Variants in WDR3 observed in about 807,000 individuals in gnomAD.
WDR3 encodes the protein WD repeat domain 3, also known as WD repeat-containing protein 3.
In WDR3, 81 loss-of-function variants were observed where a neutral mutation model predicts 123.7. The ratio of observed to expected loss-of-function variants is 0.65; its 90% CI spans 0.55 to 0.79. WDR3 has a LOEUF of 0.79. Ranked by LOEUF, WDR3 falls within the 30% of genes least tolerant of loss-of-function variation. The pLI is 0.00. For missense variants in WDR3, 1,027 were observed against 1,123.2 expected (o/e 0.91, Z 1.22); for synonymous variants, 390 against 388.8 (o/e 1.00, Z -0.04).
intron 4 of WDR3, 25 bp from the exon 5 acceptor site, chr1:117,938,455 A>AT (rs758667110): frequency 6.9e-6 from 11 of 1,602,670 alleles, no homozygotes; most frequent in East Asian, 2.2e-5. Flanking sequence ...CAGGCTATAT[A>AT]TTTTTTTCCT....
intron 19 of WDR3, 45 bp from the exon 20 acceptor site, chr1:117,952,901 C>A (rs1472337970): frequency 1.2e-6 from 2 of 1,603,188 alleles, no homozygotes. Context: ...CATATAGAGA[C>A]CATGTTTTTT....
At chr1:117,956,831 A>G (rs928614155) in intron 24 of WDR3, among the ~76,000 whole-genome samples, 2 of 152,192 alleles carry the variant, frequency 1.3e-5, no homozygotes, top group Non-Finnish European at 2.9e-5. Context: ...ATCTGGAAGG[A>G]AAAAAAGTTA....
intron 5 of WDR3, 65 bp from the exon 6 acceptor site, chr1:117,939,412 T>G: frequency 6.5e-7 from 1 of 1,533,990 alleles, no homozygotes; most frequent in Non-Finnish European, 9.0e-7. Flanking sequence ...ACTTTTGGAA[T>G]GTCATATTAT....
rs1571060127 is a variant in WDR3 at position 117,961,037 on chromosome 1, A to G, written c.*1590A>G. 6.6e-6 allele frequency: 1 copy of G among 152,340 alleles called. No homozygotes were observed. The highest frequency in any genetic ancestry group is 1.5e-5 in the Non-Finnish European group (1 of 68,042). 9.4% of individuals were successfully genotyped at this position (152,340 alleles called of 1,614,324 possible). A position where few individuals can be genotyped will look rare whatever the true frequency, so the allele number is the denominator to read the frequency against. On this transcript the variant is annotated 3_prime_UTR_variant, in exon 27 of 27. Coordinates refer to ENST00000349139, the MANE Select transcript of WDR3 (RefSeq NM_006784.3). Reference sequence around the variant, plus strand: ...AGTGGCTCACGCCTGTAATCCCACCACTGTGGGAGGCCGAGGCAGGCGGAT... The same window carrying G: ...AGTGGCTCACGCCTGTAATCCCACCGCTGTGGGAGGCCGAGGCAGGCGGAT...
intron 1 of WDR3, among the ~76,000 whole-genome samples, chr1:117,931,482 G>A (rs1650733547): frequency 6.6e-6 from 1 of 151,790 alleles, no homozygotes; most frequent in African/African-American, 2.4e-5. Flanking sequence ...AGAAAAGAGA[G>A]GGGTACCAGA....
At chr1:117,947,748 G>A (rs756582093) in intron 12 of WDR3, among the ~76,000 whole-genome samples, 1 of 152,206 alleles carries the variant, frequency 6.6e-6, no homozygotes, top group Non-Finnish European at 1.5e-5. Flanking sequence ...TTTAGCTTAT[G>A]CTGTCTGTAC....
In WDR3 at chr1:117,958,889, TGTG is replaced by T; in HGVS notation, c.2583-20_2583-18del. 1 of 1,608,024 alleles carries T rather than the reference TGTG, an allele frequency of 6.2e-7. No homozygotes were observed. Among genetic ancestry groups the T allele is most frequent in the Non-Finnish European group, 8.5e-7 (1 of 1,175,174 alleles). On this transcript the variant is annotated intron_variant, in intron 25 of 26. Transcript: ENST00000349139. ...GGCTAGAACCTCTCTGCAACATGGC[TGTG>T]TTTTGTTTTTCTATCAGGATTCACT...
At chr1:117,940,071 C>T (rs1008509151) in intron 6 of WDR3, among the ~76,000 whole-genome samples, 2 of 152,112 alleles carry the variant, frequency 1.3e-5, no homozygotes, top group African/African-American at 2.4e-5. Context: ...TAGGGGTTAT[C>T]TTTTCTTTAT....
At chr1:117,939,100 G>T (rs1173096043) in intron 5 of WDR3, among the ~76,000 whole-genome samples, 1 of 152,194 alleles carries the variant, frequency 6.6e-6, no homozygotes, top group Non-Finnish European at 1.5e-5. Flanking sequence ...GAAGCTGAAA[G>T]TTATGCAATG....
chr1:117,965,516 A>G lies in WDR3; in HGVS notation c.*6069A>G, dbSNP rs1653717171. On this transcript the variant is annotated 3_prime_UTR_variant, in exon 27 of 27. Transcript: ENST00000349139. ...TTGAACTCGATGTCCTCTTTCTTCC[A>G]TCCATCAATGGCTTCTACCTCAGAT... 1 of 152,178 alleles carries G rather than the reference A, an allele frequency of 6.6e-6. No individual in the cohort carries two copies. The highest frequency in any genetic ancestry group is 2.4e-5 in the African/African-American group (1 of 41,414). 9.4% of individuals were successfully genotyped at this position (152,178 alleles called of 1,614,324 possible).
At chr1:117,945,263 C>T (rs1651328886) in intron 11 of WDR3, among the ~76,000 whole-genome samples, 1 of 152,180 alleles carries the variant, frequency 6.6e-6, no homozygotes, top group Non-Finnish European at 1.5e-5. Flanking sequence ...AGTTCCATCT[C>T]ACTCTACCTA....
intron 6 of WDR3, 26 bp downstream of exon 6, chr1:117,939,598 A>T (rs1407568672): frequency 6.2e-7 from 1 of 1,607,604 alleles, no homozygotes; most frequent in Non-Finnish European, 8.5e-7. Flanking sequence ...AATCATGGGC[A>T]ATATGTTTAG....
chr1:117,952,818 C>T, intron 19 of WDR3, 128 bp from the exon 20 acceptor site: 1 of 1,429,572 alleles, frequency 7.0e-7, no homozygotes. Context: ...ATTTCAGAAG[C>T]TAGGCAGAGA....
In WDR3 at chr1:117,950,706, G is replaced by C. The variant is rs528708443; in HGVS notation, c.1747-128G>C. 18 of 789,974 alleles carry C rather than the reference G, an allele frequency of 2.3e-5. No homozygotes were observed. The East Asian group carries it at 4.5e-4, about 20-fold the overall frequency. The allele number at this position is 789,974 out of a possible 1,614,324, so 48.9% of individuals were successfully genotyped here. ...TACTCCTGCCAAGCTGTCTTTTGTG[G>C]GTTGTCTTTGAAAATACAGATATAA... On this transcript the variant is annotated intron_variant, in intron 15 of 26. Coordinates refer to ENST00000349139, the MANE Select transcript of WDR3 (RefSeq NM_006784.3).
chr1:117,933,072 CACAT>C (rs1489001836), intron 1 of WDR3, among the ~76,000 whole-genome samples: 1 of 150,922 alleles, frequency 6.6e-6, no homozygotes, highest in Non-Finnish European at 1.5e-5. Flanking sequence ...GGTATGGTGG[CACAT>C]GCCTGTAGTC....
In WDR3 at chr1:117,948,402, C is replaced by T. The variant is rs1651483967; in HGVS notation, c.1423-3C>T. ...GAGCTGTGCTCATTTTGTGTCTTCC[C>T]AGACAGGGAAGCTGCAGCTTTATGA... On this transcript the variant is annotated splice_region_variant and splice_polypyrimidine_tract_variant and intron_variant, in intron 12 of 26. Transcript: ENST00000349139. The T allele has an allele frequency of 6.2e-7, 1 of 1,613,456 alleles. No homozygotes were observed. The highest frequency in any genetic ancestry group is 8.5e-7 in the Non-Finnish European group (1 of 1,179,628).
chr1:117,947,142 C>G (rs1232021815), intron 12 of WDR3, among the ~76,000 whole-genome samples: 15 of 152,074 alleles, frequency 9.9e-5, no homozygotes, highest in African/African-American at 3.4e-4. Context: ...AATGACGTTA[C>G]TGACCCATTT....
Position 117,949,856 on chromosome 1 carries a change from G to A in WDR3, c.1610+20G>A. 1.2e-6 allele frequency: 2 copies of A among 1,612,770 alleles called. No homozygotes were observed. The highest frequency in any genetic ancestry group is 1.3e-5 in the African/African-American group (1 of 74,896). On this transcript the variant is annotated intron_variant, in intron 14 of 26. Transcript: ENST00000349139. The stretch of plus-strand genomic sequence containing the variant: ...AAAGAGGTGAGTAGACATTTTTTGT[G>A]TCCATTTTTTGGAGTGAAAATGGGG...
At position 117,964,947 on chromosome 1, in the gene WDR3, C is replaced by G. The variant is rs565329980; in HGVS notation, c.*5500C>G. The G allele has an allele frequency of 1.3e-5, 2 of 152,224 alleles. No individual in the cohort carries two copies. The highest frequency in any genetic ancestry group is 3.9e-4 in the East Asian group (2 of 5,176). The allele number at this position is 152,224 out of a possible 1,614,324, so 9.4% of individuals were successfully genotyped here. ...TTGGATATTGCAGTTTCAATCACTT[C>G]TACTCATTCATATTTTTAATATATA... On this transcript the variant is annotated 3_prime_UTR_variant, in exon 27 of 27. Transcript: ENST00000349139.
Sources: allele counts gnomAD v4.1 joint callset (sites outside exome capture counted in the v4.1 genomes callset), GRCh38; gene constraint gnomAD v4.1.1; transcripts MANE v1.5; gene names NCBI Gene and HGNC (gene_info 2026-07-23, HGNC 2026-07-21).